IFI27L1: variants seen among roughly 807,000 people sequenced by gnomAD.
IFI27L1 encodes interferon alpha-inducible protein 27-like protein 1.
In IFI27L1, 3 loss-of-function variants were observed where a neutral mutation model predicts 9.2. The ratio of observed to expected loss-of-function variants is 0.32; its 90% CI spans 0.15 to 0.84. The LOEUF (loss-of-function observed/expected upper bound fraction) is 0.84. Among genes scored for constraint, IFI27L1 ranks in the 40% least tolerant of loss-of-function variants. The pLI is 0.56. For missense variants in IFI27L1, 133 were observed against 134.2 expected (o/e 0.99, Z 0.05); for synonymous variants, 53 against 50.0 (o/e 1.06, Z -0.26).
chr14:94,100,189 G>T, intron 2 of IFI27L1: 2 of 748,918 alleles, frequency 2.7e-6, no homozygotes, highest in Non-Finnish European at 3.3e-6. Context: ...GTGACAGAGA[G>T]AAAGGGAGGT....
rs897095986 is a variant in IFI27L1, at chr14:94,096,870, C to T, written c.-51-17C>T. 39 of 1,486,626 alleles carry T rather than the reference C, an allele frequency of 2.6e-5. No individual in the cohort carries two copies. The highest frequency in any genetic ancestry group is 3.4e-5 in the Non-Finnish European group (36 of 1,067,558). 92.1% of individuals were successfully genotyped at this position (1,486,626 alleles called of 1,614,324 possible). ...ATTCAAACCAGATCCTGAATAAAGT[C>T]AAAACTCAACCAACAGGTGGAAGTC... On this transcript the variant is annotated splice_polypyrimidine_tract_variant and intron_variant, in intron 1 of 4. Coordinates refer to ENST00000555523, the MANE Select transcript of IFI27L1 (RefSeq NM_206949.3).
intron 2 of IFI27L1, among the ~76,000 whole-genome samples, chr14:94,099,477 G>A (rs1398549492): frequency 6.6e-6 from 1 of 152,168 alleles, no homozygotes; most frequent in African/African-American, 2.4e-5. Context: ...GAAAGACACA[G>A]AGATTGGAGT....
At chr14:94,087,320 A>G (rs1460354254) in intron 1 of IFI27L1, among the ~76,000 whole-genome samples, 1 of 152,220 alleles carries the variant, frequency 6.6e-6, no homozygotes, top group East Asian at 1.9e-4. Context: ...ATTTTTGCAG[A>G]TGATAGTTTT....
intron 4 of IFI27L1, chr14:94,102,183 G>T: frequency 1.6e-6 from 1 of 620,150 alleles, no homozygotes; most frequent in South Asian, 2.0e-5. Context: ...CAAAACCCAG[G>T]CAGGTCTCCT....
chr14:94,096,471 G>A (rs563741161), intron 1 of IFI27L1, among the ~76,000 whole-genome samples: 3 of 152,272 alleles, frequency 2.0e-5, no homozygotes, highest in East Asian at 1.9e-4. Context: ...CAGGGTGGGC[G>A]GATCACGAGG....
chr14:94,101,603 C>T (rs1886897984), intron 3 of IFI27L1, among the ~76,000 whole-genome samples: 1 of 152,230 alleles, frequency 6.6e-6, no homozygotes, highest in African/African-American at 2.4e-5. Context: ...GTCTGTGAAA[C>T]AGGCGTAAAC....
intron 2 of IFI27L1, among the ~76,000 whole-genome samples, chr14:94,097,319 A>T (rs1193416763): frequency 6.6e-6 from 1 of 152,202 alleles, no homozygotes. Context: ...ATTCAGAAGT[A>T]TTCTTTATGG....
intron 3 of IFI27L1, chr14:94,101,261 C>T: frequency 4.2e-6 from 1 of 239,546 alleles, no homozygotes; most frequent in Non-Finnish European, 8.1e-6. Context: ...CTGTCACCTG[C>T]ACCACATTTC....
At chr14:94,102,417 C>A (rs1886934344) in intron 4 of IFI27L1, 60 bp from the exon 5 acceptor site, 1 of 1,092,436 alleles carries the variant, frequency 9.2e-7, no homozygotes, top group Admixed American at 2.4e-5. Context: ...GGCCTTCAAC[C>A]CCCTGTTAGG....
intron 2 of IFI27L1, among the ~76,000 whole-genome samples, chr14:94,098,213 G>A (rs546799553): frequency 1.3e-5 from 2 of 152,202 alleles, no homozygotes; most frequent in African/African-American, 4.8e-5. Flanking sequence ...GAGGCTAGAA[G>A]TCTGAAATCA....
intron 1 of IFI27L1, among the ~76,000 whole-genome samples, chr14:94,089,882 C>T (rs1886411566): frequency 6.6e-6 from 1 of 152,154 alleles, no homozygotes; most frequent in Admixed American, 6.5e-5. Flanking sequence ...GAGTGGAGCT[C>T]AGTCAGAAAG....
At chr14:94,088,537 T>C (rs536166972) in intron 1 of IFI27L1, among the ~76,000 whole-genome samples, 57 of 150,434 alleles carry the variant, frequency 3.8e-4, no homozygotes, top group African/African-American at 1.2e-3. Context: ...TCTTGCTCTG[T>C]CGCCCAGGTT....
chr14:94,094,111 G>A (rs1448024286), intron 1 of IFI27L1, among the ~76,000 whole-genome samples: 2 of 152,154 alleles, frequency 1.3e-5, no homozygotes, highest in East Asian at 3.9e-4. Flanking sequence ...CCAAACTTGG[G>A]TTTGAGGCCC....
intron 1 of IFI27L1, among the ~76,000 whole-genome samples, chr14:94,092,950 GC>G (rs2139268253): frequency 6.6e-6 from 1 of 152,244 alleles, no homozygotes; most frequent in Admixed American, 6.5e-5. Context: ...TCCTGCCCCT[GC>G]CTCCCAAGTA....
At chr14:94,102,388 TG>T in intron 4 of IFI27L1, 88 bp from the exon 5 acceptor site, 1 of 773,814 alleles carries the variant, frequency 1.3e-6, no homozygotes, top group Non-Finnish European at 2.1e-6. Context: ...CTCAGGTCTC[TG>T]GAGGGACCAG....
At chr14:94,101,059 C>A in intron 3 of IFI27L1, 1 of 579,804 alleles carries the variant, frequency 1.7e-6, no homozygotes, top group Non-Finnish European at 3.1e-6. Flanking sequence ...CGGGATTCCT[C>A]CCCGTCTAAA....
At chr14:94,100,911 G>A in intron 3 of IFI27L1, 140 bp downstream of exon 3, 1 of 910,584 alleles carries the variant, frequency 1.1e-6, no homozygotes, top group Non-Finnish European at 1.8e-6. Flanking sequence ...AGAGTGATGG[G>A]GACCTTAGAG....
chr14:94,096,959 G>A lies in IFI27L1; in HGVS notation c.22G>A (p.Asp8Asn). MGKESGWDSGRAAVAAVV... is the reference protein window; with the variant it reads MGKESGWNSGRAAVAAVV... Reference sequence around the variant, plus strand: ...AACCATGGGAAAGGAGAGTGGATGGGACTCAGGTGGGTACTGCACATGATT... The same window carrying A: ...AACCATGGGAAAGGAGAGTGGATGGAACTCAGGTGGGTACTGCACATGATT... The change falls in exon 2 of 5, where the codon GAC becomes AAC. Residue 8 changes from aspartate to asparagine, a missense_variant. Transcript: ENST00000555523. 1 of 1,613,524 alleles carries A rather than the reference G, an allele frequency of 6.2e-7. No individual in the cohort carries two copies. The highest frequency in any genetic ancestry group is 8.5e-7 in the Non-Finnish European group (1 of 1,179,654).
chr14:94,086,324 G>A (rs567166499), intron 1 of IFI27L1, among the ~76,000 whole-genome samples: 18 of 152,318 alleles, frequency 1.2e-4, no homozygotes, highest in African/African-American at 3.8e-4. Context: ...TGTAAAGCCT[G>A]TGGAACTGTG....
Sources: allele counts gnomAD v4.1 joint callset (sites outside exome capture counted in the v4.1 genomes callset), GRCh38; gene constraint gnomAD v4.1.1; transcripts MANE v1.5; gene names NCBI Gene and HGNC (gene_info 2026-07-23, HGNC 2026-07-21).